The following EYS variants were observed in gnomAD, a reference collection of about 807,000 sequenced individuals.
The protein encoded by EYS is protein eyes shut homolog.
Under a neutral mutation model 282.1 loss-of-function variants are expected in EYS, and 250 were observed. That is an observed-to-expected ratio of 0.89 (90% CI 0.80 to 0.98). The LOEUF (loss-of-function observed/expected upper bound fraction) is 0.98. Among genes scored for constraint, EYS ranks in the 50% least tolerant of loss-of-function variants. The pLI is 0.00. For missense variants in EYS, 4,016 were observed against 3,709.0 expected, an observed-to-expected ratio of 1.08 and a Z score of -2.15; for synonymous variants, 1,355 against 1,282.9, an observed-to-expected ratio of 1.06 and a Z score of -1.20.
chr6:64,368,181 A>T (rs947339100), intron 29 of EYS, among the ~76,000 whole-genome samples: 1 of 152,108 alleles, frequency 6.6e-6, no homozygotes, highest in African/African-American at 2.4e-5. Context: ...CTTGTAAGTG[A>T]AAACATGTGG....
intron 35 of EYS, among the ~76,000 whole-genome samples, chr6:63,952,624 C>G (rs2149767262): frequency 6.6e-6 from 1 of 152,262 alleles, no homozygotes; most frequent in South Asian, 2.1e-4. Flanking sequence ...CCCCACCTGC[C>G]CAGCTCCCTT....
In EYS at chr6:64,485,258, T is replaced by A. The variant is rs1230178511; in HGVS notation, c.5645-45906A>T. On this transcript the variant is annotated intron_variant, in intron 26 of 42. Coordinates refer to ENST00000503581, the MANE Select transcript of EYS (RefSeq NM_001142800.2). ...GAAATGTTAGAGAACCCTTTAGGAT[T>A]AAGAAAAGACAATGTATTTAGTAGC... 2.0e-5 allele frequency among the ~76,000 whole-genome samples: 3 copies of A among 151,508 alleles called. No homozygotes were observed. The East Asian group carries it at 5.8e-4, about 29-fold the overall frequency.
intron 26 of EYS, among the ~76,000 whole-genome samples, chr6:64,549,768 G>A (rs915660613): frequency 7.5e-5 from 11 of 145,988 alleles, no homozygotes; most frequent in South Asian, 2.1e-4. Flanking sequence ...TAAGTTTTAC[G>A]GTACATGTGC....
At chr6:64,943,758 A>C (rs1390542774) in intron 15 of EYS, among the ~76,000 whole-genome samples, 1 of 152,140 alleles carries the variant, frequency 6.6e-6, no homozygotes, top group Non-Finnish European at 1.5e-5. Flanking sequence ...GGAAGAATCC[A>C]TATCATTAAA....
intron 14 of EYS, among the ~76,000 whole-genome samples, chr6:64,981,929 A>G (rs1770682440): frequency 6.6e-6 from 1 of 151,324 alleles, no homozygotes; most frequent in Non-Finnish European, 1.5e-5. Context: ...CAAAGAATTA[A>G]AAACCAGTAA....
rs138581645 is a variant in EYS at position 63,968,018 on chromosome 6, G to A, written c.7055+16365C>T. Among the ~76,000 whole-genome samples the A allele has an allele frequency of 2.3e-3, 352 of 152,272 alleles. 1 individual carries two copies. The highest frequency in any genetic ancestry group is 8.2e-3 in the African/African-American group (340 of 41,572). ...TGATAAGGTTGGCTTTTGCAGCTTA[G>A]TTTTAGGTTATGTGAGATTGTACTG... On this transcript the variant is annotated intron_variant, in intron 35 of 42. Transcript: ENST00000503581.
At chr6:64,968,008 G>A (rs1477959988) in intron 14 of EYS, among the ~76,000 whole-genome samples, 2 of 152,162 alleles carry the variant, frequency 1.3e-5, no homozygotes, top group Admixed American at 1.3e-4. Flanking sequence ...TTGGACAAAT[G>A]TGATTAGTTA....
At chr6:63,918,213 A>G (rs1174305669) in intron 35 of EYS, among the ~76,000 whole-genome samples, 1 of 152,182 alleles carries the variant, frequency 6.6e-6, no homozygotes, top group East Asian at 1.9e-4. Context: ...TTGTAATCTG[A>G]TGCTATATAA....
At chr6:64,349,952 CTATT>C (rs1435673326) in intron 29 of EYS, among the ~76,000 whole-genome samples, 6 of 151,198 alleles carry the variant, frequency 4.0e-5, no homozygotes, top group African/African-American at 1.2e-4. Flanking sequence ...ATTTTTATTT[CTATT>C]TATTTATTTT....
At chr6:64,760,381 G>A (rs2149977918) in intron 22 of EYS, among the ~76,000 whole-genome samples, 1 of 152,196 alleles carries the variant, frequency 6.6e-6, no homozygotes, top group East Asian at 1.9e-4. Context: ...AAACCCCTCA[G>A]TCCTAGACAC....
chr6:65,620,539 T>C (rs1766434523), intron 2 of EYS, among the ~76,000 whole-genome samples: 1 of 151,432 alleles, frequency 6.6e-6, no homozygotes, highest in Non-Finnish European at 1.5e-5. Flanking sequence ...GGGTTTTTTG[T>C]GTCTCTATTT....
Position 64,936,157 on chromosome 6 carries a change from C to T in EYS, c.2381+9636G>A, listed in dbSNP as rs148481667. Among the ~76,000 whole-genome samples the T allele has an allele frequency of 7.9e-3, 1,197 of 151,468 alleles. 11 individuals carry two copies. Among genetic ancestry groups the T allele is most frequent in the Non-Finnish European group, 9.1e-3 (615 of 67,574 alleles). ...TTTTAAAATAGAAAACCACTAAATG[C>T]AATATACAATATTAATAGAATATAA... On this transcript the variant is annotated intron_variant, in intron 15 of 42. Coordinates refer to ENST00000503581, the MANE Select transcript of EYS (RefSeq NM_001142800.2).
intron 18 of EYS, among the ~76,000 whole-genome samples, chr6:64,890,052 C>G (rs939699403): frequency 2.7e-5 from 4 of 149,942 alleles, no homozygotes. Context: ...AATGCCCCCC[C>G]CCCCCAAGGT....
chr6:64,670,337 G>T (rs927276734), intron 22 of EYS, among the ~76,000 whole-genome samples: 1 of 151,546 alleles, frequency 6.6e-6, no homozygotes, highest in Non-Finnish European at 1.5e-5. Context: ...AGCCTTGAAC[G>T]AAGTCTACAT....
intron 22 of EYS, among the ~76,000 whole-genome samples, chr6:64,757,585 A>G (rs535107344): frequency 6.6e-6 from 1 of 152,184 alleles, no homozygotes; most frequent in East Asian, 1.9e-4. Context: ...CTGCTTAACC[A>G]ATGGTTTTAT....
intron 5 of EYS, among the ~76,000 whole-genome samples, chr6:65,431,976 T>A (rs1432201061): frequency 6.6e-6 from 1 of 152,102 alleles, no homozygotes; most frequent in Admixed American, 6.6e-5. Flanking sequence ...ATTTTAAAAA[T>A]AATTTAGAAT....
intron 15 of EYS, among the ~76,000 whole-genome samples, chr6:64,941,749 T>C (rs1769097659): frequency 6.6e-6 from 1 of 152,160 alleles, no homozygotes. Context: ...CCTAGAATAA[T>C]GGCCTCAAGC....
At chr6:64,452,890 T>C (rs1231273258) in intron 26 of EYS, among the ~76,000 whole-genome samples, 1 of 152,174 alleles carries the variant, frequency 6.6e-6, no homozygotes, top group Non-Finnish European at 1.5e-5. Flanking sequence ...ATGTTAGACC[T>C]GAAACCATAA....
intron 22 of EYS, among the ~76,000 whole-genome samples, chr6:64,762,850 T>G (rs1237939430): frequency 1.3e-5 from 2 of 152,216 alleles, no homozygotes; most frequent in African/African-American, 4.8e-5. Context: ...AGTGTATTGA[T>G]TTTAGCAAAT....
Sources: allele counts gnomAD v4.1 joint callset (sites outside exome capture counted in the v4.1 genomes callset), GRCh38; gene constraint gnomAD v4.1.1; transcripts MANE v1.5; gene names NCBI Gene and HGNC (gene_info 2026-07-23, HGNC 2026-07-21).